Variants in RGS7 observed in about 807,000 individuals in gnomAD.
RGS7 encodes the protein regulator of G protein signaling 7.
A neutral mutation model predicts 81.1 loss-of-function variants in RGS7; 27 were observed. That is an observed-to-expected ratio of 0.33 (90% CI 0.25 to 0.46). RGS7 has a LOEUF of 0.46. Among genes scored for constraint, RGS7 ranks in the 20% least tolerant of loss-of-function variants. The probability of loss-of-function intolerance (pLI) is 1.00; values close to 1 mark genes in which losing one functional copy is unlikely to be tolerated. For synonymous variants in RGS7, 208 were observed against 207.7 expected (o/e 1.00, Z -0.01); for missense variants, 396 against 607.4 (o/e 0.65, Z 3.66).
chr1:240,812,494 G>A (rs1690035082), intron 13 of RGS7, among the ~76,000 whole-genome samples: 1 of 150,132 alleles, frequency 6.7e-6, no homozygotes, highest in South Asian at 2.1e-4. Flanking sequence ...GAGTGCAATG[G>A]CGTGATCTCG....
intron 9 of RGS7, among the ~76,000 whole-genome samples, chr1:240,834,657 T>C (rs572670001): frequency 3.4e-4 from 52 of 151,936 alleles, no homozygotes; most frequent in Non-Finnish European, 4.3e-4. Context: ...ACTACAGGTG[T>C]CCGCCACCAC....
At chr1:240,941,182 A>G (rs1309617085) in intron 4 of RGS7, among the ~76,000 whole-genome samples, 1 of 152,202 alleles carries the variant, frequency 6.6e-6, no homozygotes, top group African/African-American at 2.4e-5. Flanking sequence ...TTTCTATGTG[A>G]GTCACACACA....
intron 6 of RGS7, among the ~76,000 whole-genome samples, chr1:240,871,783 G>A (rs1353669028): frequency 6.6e-6 from 1 of 152,166 alleles, no homozygotes; most frequent in Non-Finnish European, 1.5e-5. Flanking sequence ...CTCTTCATGA[G>A]AGAAAGATCA....
chr1:241,312,277 TGA>T (rs770298602), intron 2 of RGS7, among the ~76,000 whole-genome samples: 6 of 152,306 alleles, frequency 3.9e-5, no homozygotes, highest in South Asian at 2.1e-4. Context: ...TACATTCTAG[TGA>T]GAGAAACAGA....
chr1:241,006,322 A>G (rs1399776542), intron 3 of RGS7, among the ~76,000 whole-genome samples: 2 of 152,142 alleles, frequency 1.3e-5, no homozygotes, highest in African/African-American at 4.8e-5. Context: ...GACTTTGAGG[A>G]AAAGGTTTCT....
intron 3 of RGS7, among the ~76,000 whole-genome samples, chr1:240,985,159 C>A (rs1685467536): frequency 6.6e-6 from 1 of 152,180 alleles, no homozygotes; most frequent in African/African-American, 2.4e-5. Context: ...AAAAGGAGAA[C>A]TCAGCTTTTC....
chr1:241,258,622 A>T (rs1273035921), intron 2 of RGS7, among the ~76,000 whole-genome samples: 1 of 152,208 alleles, frequency 6.6e-6, no homozygotes, highest in Admixed American at 6.5e-5. Context: ...TGCTTCTATT[A>T]GTAAAGACCA....
intron 3 of RGS7, among the ~76,000 whole-genome samples, chr1:241,021,506 T>C (rs2059535091): frequency 6.6e-6 from 1 of 152,196 alleles, no homozygotes; most frequent in Non-Finnish European, 1.5e-5. Flanking sequence ...TATGGGCATA[T>C]GGCACAGCTT....
chr1:241,340,897 A>G (rs76835374), intron 2 of RGS7, among the ~76,000 whole-genome samples: 3,848 of 152,300 alleles, frequency 0.025, 113 homozygotes, highest in African/African-American at 0.065. Flanking sequence ...CACACAAAGA[A>G]AACAAAAGGC....
chr1:241,055,246 T>C (rs2061422426), intron 3 of RGS7, among the ~76,000 whole-genome samples: 1 of 152,180 alleles, frequency 6.6e-6, no homozygotes, highest in East Asian at 1.9e-4. Flanking sequence ...TCCCACAGGT[T>C]AACGGCTCAG....
intron 2 of RGS7, among the ~76,000 whole-genome samples, chr1:241,333,810 T>C (rs2082096733): frequency 6.6e-6 from 1 of 152,082 alleles, no homozygotes; most frequent in African/African-American, 2.4e-5. Flanking sequence ...TTTAGATATC[T>C]TCTCCAGTAC....
At chr1:240,944,717 T>C (rs910219691) in intron 4 of RGS7, among the ~76,000 whole-genome samples, 1 of 152,128 alleles carries the variant, frequency 6.6e-6, no homozygotes, top group Non-Finnish European at 1.5e-5. Flanking sequence ...GTAAGTCACT[T>C]CCTTTCTTTT....
chr1:240,781,477 G>A (rs936341547), intron 18 of RGS7, among the ~76,000 whole-genome samples: 1 of 152,104 alleles, frequency 6.6e-6, no homozygotes, highest in African/African-American at 2.4e-5. Flanking sequence ...GTGGTGGCAG[G>A]TGCCTGCAAT....
chr1:240,914,052 T>A, intron 6 of RGS7, among the ~76,000 whole-genome samples: 1 of 122,948 alleles, frequency 8.1e-6, no homozygotes, highest in Non-Finnish European at 1.7e-5. Context: ...CCCAATGCTA[T>A]CCCTCCCCCC....
chr1:240,919,020 C>T (rs1673059114), intron 6 of RGS7, among the ~76,000 whole-genome samples: 1 of 152,034 alleles, frequency 6.6e-6, no homozygotes, highest in Non-Finnish European at 1.5e-5. Flanking sequence ...ATACAATCTA[C>T]TGAAACTCAC....
intron 2 of RGS7, among the ~76,000 whole-genome samples, chr1:241,354,394 T>G (rs935090348): frequency 1.3e-5 from 2 of 152,212 alleles, no homozygotes; most frequent in African/African-American, 4.8e-5. Flanking sequence ...GAAAGCTAAG[T>G]TCTGATTTAT....
At chr1:240,966,067 G>A (rs1413345348) in intron 4 of RGS7, among the ~76,000 whole-genome samples, 1 of 152,166 alleles carries the variant, frequency 6.6e-6, no homozygotes, top group Admixed American at 6.5e-5. Context: ...TGGGATTTAT[G>A]TGATGCAACC....
chr1:241,094,044 C>T (rs2064072516), intron 3 of RGS7, among the ~76,000 whole-genome samples: 1 of 152,120 alleles, frequency 6.6e-6, no homozygotes, highest in African/African-American at 2.4e-5. Context: ...GTGCAGACTG[C>T]TGGACTGTGC....
chr1:241,175,048 G>A (rs1399343959), intron 2 of RGS7, among the ~76,000 whole-genome samples: 2 of 151,650 alleles, frequency 1.3e-5, no homozygotes, highest in African/African-American at 4.8e-5. Flanking sequence ...GATTACAGGC[G>A]CCCACTACCA....
Sources: allele counts gnomAD v4.1 joint callset (sites outside exome capture counted in the v4.1 genomes callset), GRCh38; gene constraint gnomAD v4.1.1; transcripts MANE v1.5; gene names NCBI Gene and HGNC (gene_info 2026-07-23, HGNC 2026-07-21).